ARHGAP23: variants seen among roughly 807,000 people sequenced by gnomAD.
ARHGAP23 encodes Rho GTPase activating protein 23.
ARHGAP23 carries 34 observed loss-of-function variants against 136.3 expected under a neutral mutation model. The ratio of observed to expected loss-of-function variants is 0.25; its 90% CI spans 0.19 to 0.33. The LOEUF is 0.33. Ranked by LOEUF, ARHGAP23 falls within the 10% of genes least tolerant of loss-of-function variation. The probability of loss-of-function intolerance (pLI) is 1.00; values close to 1 mark genes in which losing one functional copy is unlikely to be tolerated. For synonymous variants in ARHGAP23, 832 were observed against 920.5 expected (o/e 0.90, Z 1.74); for missense variants, 1,808 against 2,139.0 (o/e 0.85, Z 3.05).
intron 20 of ARHGAP23, among the ~76,000 whole-genome samples, chr17:38,492,933 G>A (rs1275079209): frequency 2.6e-5 from 4 of 152,234 alleles, no homozygotes; most frequent in South Asian, 4.1e-4. Flanking sequence ...CTGTGCTCCT[G>A]GAGAAGTCCC....
chr17:38,490,332 C>T (rs1232568082), intron 18 of ARHGAP23, 130 bp from the exon 19 acceptor site: 10 of 1,098,644 alleles, frequency 9.1e-6, no homozygotes, highest in African/African-American at 4.7e-5. Context: ...TACAAGAGAA[C>T]GGGGGGTTAG....
At chr17:38,434,039 G>A (rs1209070676) in intron 1 of ARHGAP23, among the ~76,000 whole-genome samples, 3 of 152,146 alleles carry the variant, frequency 2.0e-5, no homozygotes, top group Admixed American at 6.5e-5. Context: ...TGGCCAGGCT[G>A]GTCTCGAACT....
At chr17:38,482,231 C>G in intron 15 of ARHGAP23, 88 bp downstream of exon 15, 1 of 1,514,372 alleles carries the variant, frequency 6.6e-7, no homozygotes, top group East Asian at 2.5e-5. Context: ...GGAACCAGCT[C>G]TCCACCTCAT....
intron 1 of ARHGAP23, among the ~76,000 whole-genome samples, chr17:38,420,090 TGA>T (rs1238780360): frequency 2.0e-5 from 3 of 152,074 alleles, no homozygotes; most frequent in African/African-American, 4.8e-5. Context: ...CAGAATACAC[TGA>T]GTGTGGGCTG....
intron 16 of ARHGAP23, among the ~76,000 whole-genome samples, chr17:38,485,793 C>T (rs1298933524): frequency 6.6e-6 from 1 of 152,232 alleles, no homozygotes; most frequent in Non-Finnish European, 1.5e-5. Flanking sequence ...ACTGTCTCCC[C>T]ACAGTGCCTG....
Position 38,477,226 on chromosome 17 carries a change from C to T in ARHGAP23, c.2119-353C>T, listed in dbSNP as rs1355403416. 4.6e-5 allele frequency among the ~76,000 whole-genome samples: 7 copies of T among 151,726 alleles called. No homozygotes were observed. The Middle Eastern group carries it at 0.01, about 221-fold the overall frequency. ...GGATGAGGGGCAGCCTGGGGAGGGG[C>T]GTGGGCTGGGAATGGCATCCCCAGG... On this transcript the variant is annotated intron_variant, in intron 11 of 23. Coordinates refer to ENST00000622683, the MANE Select transcript of ARHGAP23 (RefSeq NM_001199417.2). The surrounding 1 kb of genome is among the most constrained non-coding windows in gnomAD (Gnocchi z 6.6).
intron 16 of ARHGAP23, among the ~76,000 whole-genome samples, chr17:38,484,801 T>C (rs2040124537): frequency 6.6e-6 from 1 of 152,086 alleles, no homozygotes; most frequent in Non-Finnish European, 1.5e-5. Context: ...TATCATTGTG[T>C]CATTTGTTGT....
At chr17:38,502,995 C>T (rs2040554060) in intron 23 of ARHGAP23, among the ~76,000 whole-genome samples, 1 of 152,158 alleles carries the variant, frequency 6.6e-6, no homozygotes, top group Non-Finnish European at 1.5e-5. Context: ...CAGTGATGAG[C>T]CGTGATCATG....
chr17:38,437,714 G>A (rs1020990842), intron 1 of ARHGAP23, among the ~76,000 whole-genome samples: 1 of 151,868 alleles, frequency 6.6e-6, no homozygotes, highest in Non-Finnish European at 1.5e-5. Context: ...AGGAGCCTGG[G>A]AGGACACCCC....
At chr17:38,444,857 G>A (rs928425953) in intron 1 of ARHGAP23, among the ~76,000 whole-genome samples, 7 of 150,928 alleles carry the variant, frequency 4.6e-5, no homozygotes, top group African/African-American at 7.3e-5. Context: ...TGCTCTTGCC[G>A]TCCAGGCTGG....
At chr17:38,420,150 C>T (rs1182166462) in intron 1 of ARHGAP23, among the ~76,000 whole-genome samples, 1 of 152,178 alleles carries the variant, frequency 6.6e-6, no homozygotes, top group East Asian at 1.9e-4. Context: ...AGTTCTCATT[C>T]CCTGCACGGA....
intron 17 of ARHGAP23, among the ~76,000 whole-genome samples, chr17:38,487,397 A>G (rs1047755350): frequency 6.6e-6 from 1 of 152,186 alleles, no homozygotes; most frequent in Non-Finnish European, 1.5e-5. Flanking sequence ...GCACGCCTGG[A>G]TCTGTGCTCT....
intron 1 of ARHGAP23, among the ~76,000 whole-genome samples, chr17:38,448,641 GT>G (rs11327949): frequency 0.23 from 24,380 of 106,086 alleles, 2,034 homozygotes; most frequent in East Asian, 0.35. Context: ...AACTTGGGGA[GT>G]TTTTTTTTTT....
chr17:38,472,736 G>A (rs1294290472), intron 11 of ARHGAP23, among the ~76,000 whole-genome samples: 5 of 152,160 alleles, frequency 3.3e-5, no homozygotes, highest in Admixed American at 6.5e-5. Context: ...GGATGAACCC[G>A]GGTTTGACTC....
chr17:38,465,746 G>A (rs986897822), intron 6 of ARHGAP23, among the ~76,000 whole-genome samples: 9 of 151,824 alleles, frequency 5.9e-5, no homozygotes, highest in Non-Finnish European at 1.0e-4. Flanking sequence ...ACCCCTAGCC[G>A]GCTTTCTTCT....
At chr17:38,429,340 T>C (rs536521475) in intron 1 of ARHGAP23, among the ~76,000 whole-genome samples, 18 of 152,324 alleles carry the variant, frequency 1.2e-4, no homozygotes, top group African/African-American at 3.8e-4. Flanking sequence ...TTCCCTTACC[T>C]CTGAGCCTGG....
rs1347142300 is a variant in ARHGAP23, at chr17:38,510,985, G to A, written c.*13G>A. 1 of 1,413,344 alleles carries A rather than the reference G, an allele frequency of 7.1e-7. No individual in the cohort carries two copies. The highest frequency in any genetic ancestry group is 1.5e-5 in the South Asian group (1 of 65,438). The allele number at this position is 1,413,344 out of a possible 1,614,324, so 87.6% of individuals were successfully genotyped here. The stretch of plus-strand genomic sequence containing the variant: ...TCAGTGTCTGTGATCCCCACCTCCC[G>A]CGCCGCTCGGGCGCCACCCCTCCCT... On this transcript the variant is annotated 3_prime_UTR_variant, in exon 24 of 24. Coordinates refer to ENST00000622683, the MANE Select transcript of ARHGAP23 (RefSeq NM_001199417.2). This position sits in a 1 kb window ranked among gnomAD's most constrained non-coding sequence, Gnocchi z 4.6.
chr17:38,438,711 T>A lies in ARHGAP23; in HGVS notation c.63+10163T>A, dbSNP rs550597132. On this transcript the variant is annotated intron_variant, in intron 1 of 23. Transcript: ENST00000622683. ...AAGAGTGGAGTATGTTGGCTGGGCG[T>A]GGTGGCTCACACCTGTAATCCCAGC... Among the ~76,000 whole-genome samples the A allele has an allele frequency of 9.9e-5, 15 of 152,014 alleles. No homozygotes were observed. In the Middle Eastern group the frequency reaches 0.014, roughly 138 times the overall value.
intron 22 of ARHGAP23, 138 bp from the exon 23 acceptor site, chr17:38,500,459 C>T (rs2040495787): frequency 4.0e-6 from 3 of 743,180 alleles, no homozygotes; most frequent in East Asian, 5.4e-5. Flanking sequence ...CCATCATACT[C>T]CTAGGGCCTG....
Sources: allele counts gnomAD v4.1 joint callset (sites outside exome capture counted in the v4.1 genomes callset), GRCh38; gene constraint gnomAD v4.1.1; non-coding constraint Gnocchi (gnomAD v3.1); transcripts MANE v1.5; gene names NCBI Gene and HGNC (gene_info 2026-07-23, HGNC 2026-07-21).